The following HECTD4 variants were observed in gnomAD, a reference collection of about 807,000 sequenced individuals.
HECTD4 encodes the protein HECT domain E3 ubiquitin protein ligase 4.
Under a neutral mutation model 471.5 loss-of-function variants are expected in HECTD4, and 114 were observed. The ratio of observed to expected loss-of-function variants is 0.24; its 90% confidence interval spans 0.21 to 0.28. HECTD4 has a LOEUF of 0.28. HECTD4 is among the 10% of genes least tolerant of loss of function. The probability of loss-of-function intolerance (pLI) is 1.00; values close to 1 mark genes in which losing one functional copy is unlikely to be tolerated. For synonymous variants in HECTD4, 2,012 were observed against 2,256.0 expected (o/e 0.89, Z 3.07); for missense variants, 3,866 against 5,651.5 (o/e 0.68, Z 10.13).
At chr12:112,377,373 A>G (rs936726397) in intron 1 of HECTD4, among the ~76,000 whole-genome samples, 1 of 152,186 alleles carries the variant, frequency 6.6e-6, no homozygotes, top group Non-Finnish European at 1.5e-5. Flanking sequence ...ATTTGCCTCT[A>G]TGTCATGTTA....
chr12:112,371,826 C>T (rs1209672437), intron 1 of HECTD4, among the ~76,000 whole-genome samples: 2 of 130,640 alleles, frequency 1.5e-5, no homozygotes, highest in South Asian at 2.6e-4. Context: ...GCGGAGGTTG[C>T]GGTAAGCCGA....
chr12:112,379,014 C>G (rs989199980), intron 1 of HECTD4, among the ~76,000 whole-genome samples: 2 of 152,076 alleles, frequency 1.3e-5, no homozygotes, highest in East Asian at 1.9e-4. Flanking sequence ...TGCACTCCAG[C>G]CTGGGCGACA....
intron 1 of HECTD4, among the ~76,000 whole-genome samples, chr12:112,323,992 TC>T (rs2035662865): frequency 2.6e-5 from 1 of 38,062 alleles, no homozygotes; most frequent in Non-Finnish European, 4.0e-5. Flanking sequence ...CTTCCTTCCT[TC>T]CTTCCTTCCT....
Position 112,176,615 on chromosome 12 carries a change from T to C in HECTD4, c.11451A>G (p.Ser3817=), listed in dbSNP as rs766272776. Residue 3817 remains serine, a synonymous_variant, in exon 65 of 76, where the codon TCA becomes TCG. Coordinates refer to ENST00000682272, the MANE Select transcript of HECTD4 (RefSeq NM_001388303.1). The part of the protein sequence containing the change: ...SKPDEKDPEK[S]PTKKQEVPEE... ...ATTCACCTTCTTGTTTTTTGGTAGG[T>C]GACTTTTCTGGGTCCTTTTCATCTG... The C allele has an allele frequency of 6.2e-7, 1 of 1,613,820 alleles. No individual in the cohort carries two copies. Among genetic ancestry groups the C allele is most frequent in the Non-Finnish European group, 8.5e-7 (1 of 1,179,698 alleles).
In HECTD4 at chr12:112,226,754, A is replaced by G; in HGVS notation, c.6859T>C (p.Cys2287Arg). 1 of 1,599,210 alleles carries G rather than the reference A, an allele frequency of 6.3e-7. No individual in the cohort carries two copies. The highest frequency in any genetic ancestry group is 1.1e-5 in the South Asian group (1 of 90,078). Reference sequence around the variant, plus strand: ...TCTAAAAGCTGGGCCATGACCAGGCATGCTCTTAATGTTAAAAGATTTACA... The same window carrying G: ...TCTAAAAGCTGGGCCATGACCAGGCGTGCTCTTAATGTTAAAAGATTTACA... ...RLLAEIRTRA[C>R]LVMAQLLEDS... The change falls in exon 44 of 76, where the codon TGC becomes CGC. Residue 2287 changes from cysteine to arginine, a missense_variant. Coordinates refer to ENST00000682272, the MANE Select transcript of HECTD4 (RefSeq NM_001388303.1).
intron 7 of HECTD4, chr12:112,302,558 T>C: frequency 1.4e-6 from 1 of 701,032 alleles, no homozygotes; most frequent in Non-Finnish European, 2.6e-6. Context: ...ATACCAAAAT[T>C]CTTACGCCTT....
At chr12:112,223,130 C>G (rs1374223984) in intron 44 of HECTD4, among the ~76,000 whole-genome samples, 1 of 152,118 alleles carries the variant, frequency 6.6e-6, no homozygotes, top group Non-Finnish European at 1.5e-5. Flanking sequence ...TTCCGGTAGC[C>G]TGCTGTCTGG....
chr12:112,310,013 A>T (rs1048917858), intron 4 of HECTD4, among the ~76,000 whole-genome samples: 5 of 152,206 alleles, frequency 3.3e-5, no homozygotes, highest in African/African-American at 1.2e-4. Context: ...TCTAATTTGA[A>T]ATGACTAAGA....
intron 54 of HECTD4, chr12:112,202,859 A>C (rs933666925): frequency 1.3e-5 from 2 of 152,236 alleles, no homozygotes; most frequent in Admixed American, 6.5e-5. Context: ...GGAGGAAACC[A>C]CTGATCCAGT....
intron 7 of HECTD4, among the ~76,000 whole-genome samples, chr12:112,291,240 A>G (rs1358771856): frequency 6.6e-6 from 1 of 152,190 alleles, no homozygotes; most frequent in Non-Finnish European, 1.5e-5. Flanking sequence ...ATCACTCTAG[A>G]TACAAGTTAT....
rs769991038 is a variant in HECTD4, at chr12:112,250,990, G to T, written c.3697C>A (p.Arg1233=). The change falls in exon 24 of 76, where the codon CGG becomes AGG. Residue 1233 remains arginine (R), a synonymous_variant. Coordinates refer to ENST00000682272, the MANE Select transcript of HECTD4 (RefSeq NM_001388303.1). The part of the protein sequence containing the change: ...KEEEACQELL[R]SKLLQRCQWQ... Reference sequence around the variant, plus strand: ...TGTTACCTTTGTAAAAGTTTGGACCGCAATAGCTCCTGACAGGCTTCTTCT... The same window carrying T: ...TGTTACCTTTGTAAAAGTTTGGACCTCAATAGCTCCTGACAGGCTTCTTCT... The T allele has an allele frequency of 8.6e-5, 138 of 1,611,688 alleles. No homozygotes were observed. Among genetic ancestry groups the T allele is most frequent in the Non-Finnish European group, 1.1e-4 (133 of 1,178,994 alleles).
intron 1 of HECTD4, among the ~76,000 whole-genome samples, chr12:112,376,332 C>T (rs187509798): frequency 1.1e-3 from 160 of 152,056 alleles, no homozygotes; most frequent in African/African-American, 3.6e-3. Context: ...CTGCAAGCTC[C>T]GCCTCCTGGG....
At position 112,259,398 on chromosome 12, in the gene HECTD4, C is replaced by T. The variant is rs556279007; in HGVS notation, c.2874-133G>A. The T allele has an allele frequency of 7.3e-6, 6 of 820,088 alleles. No homozygotes were observed. In the African/African-American group the frequency reaches 9.0e-5, roughly 12 times the overall value. 50.8% of individuals were successfully genotyped at this position (820,088 alleles called of 1,614,324 possible). On this transcript the variant is annotated intron_variant, in intron 18 of 75. Transcript: ENST00000682272. ...ACTACTTAAGCACTTTCAGCGATAG[C>T]AATTCAGTCCACAAATTTTCCACCT...
chr12:112,288,936 A>G (rs1322098348), intron 7 of HECTD4, among the ~76,000 whole-genome samples: 1 of 152,240 alleles, frequency 6.6e-6, no homozygotes. Flanking sequence ...GGGATTGTTC[A>G]CTGAGTAAAA....
intron 17 of HECTD4, among the ~76,000 whole-genome samples, chr12:112,263,840 T>C (rs925646005): frequency 2.0e-5 from 3 of 151,822 alleles, no homozygotes; most frequent in African/African-American, 4.8e-5. Context: ...TAAAAGAAGA[T>C]GGAAGTAAAC....
chr12:112,322,741 G>C (rs1263158660), intron 1 of HECTD4: 1 of 152,860 alleles, frequency 6.5e-6, no homozygotes, highest in African/African-American at 2.4e-5. Flanking sequence ...CTGATGTCAA[G>C]ACAACCACCA....
At chr12:112,295,603 G>A (rs1453252201) in intron 7 of HECTD4, among the ~76,000 whole-genome samples, 3 of 149,960 alleles carry the variant, frequency 2.0e-5, no homozygotes, top group African/African-American at 7.4e-5. Context: ...GCCTCCCAAA[G>A]TGCTGGGATT....
At chr12:112,308,222 G>C (rs553223496) in intron 6 of HECTD4, among the ~76,000 whole-genome samples, 1 of 152,308 alleles carries the variant, frequency 6.6e-6, no homozygotes, top group South Asian at 2.1e-4. Context: ...CATGGTCAGT[G>C]AAGTCAGACA....
Position 112,193,097 on chromosome 12 carries a change from A to C in HECTD4, c.9050T>G (p.Val3017Gly). The change falls in exon 58 of 76, where the codon GTG becomes GGG. Residue 3017 changes from valine (V) to glycine (G), a missense_variant. Physicochemically the swap from Val to Gly is moderately radical, Grantham distance 109. This residue lies in a region of HECTD4 where 364 missense variants were observed against 413.2 expected (regional missense o/e 0.88). Transcript: ENST00000682272. The surrounding 1 kb of genome is among the most constrained non-coding windows in gnomAD (Gnocchi z 5.2). ...VNFPGAAFVV[V>G]SCKESQSGFR... ...TCCAGATTGACTTTCTTTACAAGAC[A>C]CAACAACAAAAGCTGCCCCGGGGAA... 2 of 1,614,050 alleles carry C rather than the reference A, an allele frequency of 1.2e-6. No homozygotes were observed. The highest frequency in any genetic ancestry group is 1.7e-6 in the Non-Finnish European group (2 of 1,179,902).
Sources: gnomAD v4.1 joint callset for allele counts (sites outside exome capture counted in the v4.1 genomes callset) on GRCh38, gnomAD v4.1.1 for gene constraint, gnomAD v4.1.1 regional missense constraint, Gnocchi (gnomAD v3.1) non-coding constraint, MANE v1.5 for transcripts, NCBI Gene and HGNC (gene_info 2026-07-23, HGNC 2026-07-21) for gene names.